The following DPYD variants were observed in gnomAD, a reference collection of about 807,000 sequenced individuals.
DPYD encodes dihydropyrimidine dehydrogenase, also known as dihydropyrimidine dehydrogenase [NADP(+)].
DPYD carries 109 observed loss-of-function variants against 116.2 expected under a neutral mutation model. That is an observed-to-expected ratio of 0.94 (90% CI 0.80 to 1.10). DPYD has a LOEUF of 1.10. Ranked by LOEUF, DPYD falls within the 50% of genes least tolerant of loss-of-function variation. DPYD has a pLI of 0.00. For synonymous variants in DPYD, 440 were observed against 432.0 expected, an observed-to-expected ratio of 1.02 and a Z score of -0.23; for missense variants, 1,302 against 1,254.5, an observed-to-expected ratio of 1.04 and a Z score of -0.57.
intron 20 of DPYD, among the ~76,000 whole-genome samples, chr1:97,149,469 C>T (rs74541664): frequency 1.3e-5 from 2 of 152,100 alleles, no homozygotes; most frequent in African/African-American, 4.8e-5. Context: ...GCCAGGCTGG[C>T]CTCAAACTCC....
At chr1:97,241,452 T>C (rs1250040782) in intron 18 of DPYD, among the ~76,000 whole-genome samples, 1 of 152,002 alleles carries the variant, frequency 6.6e-6, no homozygotes, top group Non-Finnish European at 1.5e-5. Context: ...GCTGAATAAA[T>C]AACTTATCCA....
intron 20 of DPYD, among the ~76,000 whole-genome samples, chr1:97,134,013 AAATATATAT>A (rs1319849846): frequency 1.6e-4 from 3 of 18,802 alleles, no homozygotes; most frequent in Non-Finnish European, 2.1e-4. Flanking sequence ...AAAAAAAAAA[AAATATATAT>A]ATATATATAT....
chr1:97,092,055 G>A (rs1649929506), intron 21 of DPYD, among the ~76,000 whole-genome samples: 1 of 152,080 alleles, frequency 6.6e-6, no homozygotes, highest in Non-Finnish European at 1.5e-5. Context: ...TTGCCCATAT[G>A]CCATTAAACA....
chr1:97,784,954 T>C (rs964497776), intron 3 of DPYD, among the ~76,000 whole-genome samples: 2 of 152,234 alleles, frequency 1.3e-5, no homozygotes, highest in African/African-American at 4.8e-5. Context: ...GAGGATATAA[T>C]GTGCTTAAAA....
chr1:97,880,240 C>A (rs1672136702), intron 2 of DPYD, among the ~76,000 whole-genome samples: 1 of 151,412 alleles, frequency 6.6e-6, no homozygotes, highest in Non-Finnish European at 1.5e-5. Context: ...AAATAATCAA[C>A]AAAGAAGTGA....
At chr1:97,511,895 A>G (rs982137944) in intron 13 of DPYD, among the ~76,000 whole-genome samples, 1 of 151,952 alleles carries the variant, frequency 6.6e-6, no homozygotes, top group Non-Finnish European at 1.5e-5. Flanking sequence ...TAAGTCTTAA[A>G]CCACAATCTA....
At chr1:97,754,237 C>T (rs1014508902) in intron 3 of DPYD, among the ~76,000 whole-genome samples, 6 of 152,044 alleles carry the variant, frequency 3.9e-5, no homozygotes, top group African/African-American at 1.4e-4. Context: ...ATGACCTATT[C>T]ATTAAGAGAA....
chr1:97,441,439 T>A (rs905746875), intron 14 of DPYD, among the ~76,000 whole-genome samples: 2 of 152,112 alleles, frequency 1.3e-5, no homozygotes. Flanking sequence ...TAGCTTTTAT[T>A]GTTATATTTT....
chr1:97,828,637 C>T (rs1669371291), intron 2 of DPYD, among the ~76,000 whole-genome samples: 1 of 151,876 alleles, frequency 6.6e-6, no homozygotes, highest in Admixed American at 6.6e-5. Context: ...AATAAGCTAG[C>T]ATTGACTAAG....
chr1:97,609,832 T>C (rs1257644402), intron 8 of DPYD, among the ~76,000 whole-genome samples: 2 of 152,070 alleles, frequency 1.3e-5, no homozygotes, highest in East Asian at 1.9e-4. Flanking sequence ...AAGAAAAAAA[T>C]ATGCTTTAAA....
intron 5 of DPYD, among the ~76,000 whole-genome samples, chr1:97,708,049 G>C (rs937027505): frequency 1.3e-5 from 2 of 151,904 alleles, no homozygotes. Context: ...ATGCTCCCCA[G>C]GCTGGTCTCA....
chr1:97,155,414 A>G (rs1369518727), intron 20 of DPYD, among the ~76,000 whole-genome samples: 1 of 152,038 alleles, frequency 6.6e-6, no homozygotes, highest in Non-Finnish European at 1.5e-5. Context: ...GTGTCCAAAT[A>G]TTCTCTCTGA....
At chr1:97,522,120 A>G (rs1226992535) in intron 12 of DPYD, among the ~76,000 whole-genome samples, 1 of 152,210 alleles carries the variant, frequency 6.6e-6, no homozygotes, top group Non-Finnish European at 1.5e-5. Context: ...TGAACAGGCA[A>G]CCTACAGAAC....
intron 7 of DPYD, among the ~76,000 whole-genome samples, chr1:97,688,508 T>C (rs1336714014): frequency 6.6e-6 from 1 of 151,960 alleles, no homozygotes; most frequent in Non-Finnish European, 1.5e-5. Context: ...TTCTATTTCA[T>C]AAGAGGGTTT....
intron 14 of DPYD, among the ~76,000 whole-genome samples, chr1:97,410,029 G>A (rs1673889672): frequency 6.6e-6 from 1 of 151,312 alleles, no homozygotes; most frequent in Non-Finnish European, 1.5e-5. Flanking sequence ...TGGCTCCACT[G>A]CACTCCAGCC....
intron 7 of DPYD, among the ~76,000 whole-genome samples, chr1:97,689,762 C>T (rs1049292686): frequency 2.6e-5 from 4 of 152,020 alleles, no homozygotes; most frequent in African/African-American, 7.2e-5. Flanking sequence ...AATGTACCCA[C>T]TTATGGCTAA....
At chr1:97,289,472 C>A (rs1665978144) in intron 18 of DPYD, among the ~76,000 whole-genome samples, 2 of 151,838 alleles carry the variant, frequency 1.3e-5, no homozygotes. Context: ...AGCAGCACAT[C>A]AAAAAGCTTA....
chr1:97,253,945 T>C (rs891835160), intron 18 of DPYD, among the ~76,000 whole-genome samples: 4 of 152,168 alleles, frequency 2.6e-5, no homozygotes, highest in Non-Finnish European at 4.4e-5. Context: ...TTTTAATTAA[T>C]TGCCATTTCC....
At chr1:97,385,142 G>A (rs910578659) in intron 14 of DPYD, among the ~76,000 whole-genome samples, 2 of 151,660 alleles carry the variant, frequency 1.3e-5, no homozygotes, top group South Asian at 2.1e-4. Flanking sequence ...GATGCTTTCC[G>A]CCCTTTCCAA....
Sources: gnomAD v4.1 joint callset for allele counts (sites outside exome capture counted in the v4.1 genomes callset) on GRCh38, gnomAD v4.1.1 for gene constraint, MANE v1.5 for transcripts, NCBI Gene and HGNC (gene_info 2026-07-23, HGNC 2026-07-21) for gene names.